RGS9: variants seen among roughly 807,000 people sequenced by gnomAD.
RGS9 encodes regulator of G protein signaling 9.
Under a neutral mutation model 102.0 loss-of-function variants are expected in RGS9, and 78 were observed. The ratio of observed to expected loss-of-function variants is 0.76; its 90% CI spans 0.64 to 0.92. RGS9 has a LOEUF of 0.92. Ranked by LOEUF, RGS9 falls within the 40% of genes least tolerant of loss-of-function variation. The pLI, the probability that RGS9 is intolerant of heterozygous loss-of-function variation, is 0.00. For synonymous variants in RGS9, 353 were observed against 318.6 expected, an observed-to-expected ratio of 1.11 and a Z score of -1.15; for missense variants, 833 against 866.1, an observed-to-expected ratio of 0.96 and a Z score of 0.48.
intron 9 of RGS9, among the ~76,000 whole-genome samples, chr17:65,184,385 AT>A (rs1221261346): frequency 5.3e-5 from 8 of 152,136 alleles, no homozygotes; most frequent in African/African-American, 1.9e-4. Flanking sequence ...TGAATCCTGC[AT>A]TTTATCTGAT....
chr17:65,226,649 G>T (rs1442980707), intron 18 of RGS9, among the ~76,000 whole-genome samples: 7 of 148,804 alleles, frequency 4.7e-5, no homozygotes, highest in African/African-American at 1.8e-4. Flanking sequence ...GTTTTGCTCT[G>T]TAGTCCAAGC....
intron 9 of RGS9, among the ~76,000 whole-genome samples, chr17:65,178,981 A>G (rs1053553101): frequency 1.3e-5 from 2 of 152,234 alleles, no homozygotes; most frequent in Admixed American, 6.5e-5. Context: ...AAGGAAGTCA[A>G]CATTACTCTG....
intron 17 of RGS9, among the ~76,000 whole-genome samples, chr17:65,219,435 A>G (rs1913624787): frequency 6.6e-6 from 1 of 152,238 alleles, no homozygotes; most frequent in African/African-American, 2.4e-5. Flanking sequence ...TAGCATAAAA[A>G]ATAAACATTT....
intron 2 of RGS9, among the ~76,000 whole-genome samples, chr17:65,157,243 A>G (rs966173894): frequency 3.3e-5 from 5 of 152,158 alleles, no homozygotes; most frequent in Admixed American, 2.6e-4. Context: ...AGATTGCTGG[A>G]AAATGTGACC....
At chr17:65,179,145 T>G (rs747329032) in intron 9 of RGS9, among the ~76,000 whole-genome samples, 1 of 151,708 alleles carries the variant, frequency 6.6e-6, no homozygotes. Context: ...CCTTAAGGCA[T>G]GAGTGGGGGC....
intron 17 of RGS9, among the ~76,000 whole-genome samples, chr17:65,219,451 G>T (rs577055282): frequency 6.6e-6 from 1 of 152,182 alleles, no homozygotes; most frequent in South Asian, 2.1e-4. Flanking sequence ...CATTTATTTG[G>T]ACAATATTAA....
At chr17:65,181,609 T>A (rs1488864796) in intron 9 of RGS9, among the ~76,000 whole-genome samples, 1 of 152,212 alleles carries the variant, frequency 6.6e-6, no homozygotes, top group Non-Finnish European at 1.5e-5. Flanking sequence ...CCCCAACTCC[T>A]GCACCCCAGG....
intron 9 of RGS9, 30 bp downstream of exon 9, chr17:65,177,833 G>T (rs756753252): frequency 6.3e-7 from 1 of 1,591,612 alleles, no homozygotes; most frequent in Non-Finnish European, 8.6e-7. Context: ...TTTGGGTAGG[G>T]CCTAGGTCGG....
chr17:65,186,808 CAAA>C (rs1402569718), intron 9 of RGS9, among the ~76,000 whole-genome samples: 1 of 152,136 alleles, frequency 6.6e-6, no homozygotes, highest in East Asian at 1.9e-4. Context: ...TGTAAAGACT[CAAA>C]GAAGTATAAA....
rs1319649479 is a variant in RGS9, at chr17:65,173,682, C to T, written c.583-4050C>T. ...TGCCTCCTTATCTGCGGGCCACACA[C>T]CGCAGGATGCATCGGCTGCCCTTAT... On this transcript the variant is annotated intron_variant, in intron 8 of 18. Transcript: ENST00000262406. The surrounding 1 kb of genome is among the most constrained non-coding windows in gnomAD (Gnocchi z 4.8). Among the ~76,000 whole-genome samples the T allele has an allele frequency of 6.6e-6, 1 of 152,258 alleles. No individual in the cohort carries two copies. The highest frequency in any genetic ancestry group is 1.5e-5 in the Non-Finnish European group (1 of 68,048).
intron 9 of RGS9, among the ~76,000 whole-genome samples, chr17:65,181,445 A>G (rs749996830): frequency 3.3e-5 from 5 of 152,256 alleles, no homozygotes; most frequent in Non-Finnish European, 7.3e-5. Context: ...ACCGTCAACC[A>G]TAAGGAGGAA....
intron 2 of RGS9, among the ~76,000 whole-genome samples, chr17:65,157,091 G>A (rs146615406): frequency 3.1e-4 from 47 of 152,004 alleles, no homozygotes; most frequent in African/African-American, 9.7e-4. Context: ...CACCGCCTCC[G>A]AGGAGGGAAG....
At chr17:65,157,575 TG>T (rs1910813433) in intron 2 of RGS9, among the ~76,000 whole-genome samples, 1 of 151,976 alleles carries the variant, frequency 6.6e-6, no homozygotes, top group Non-Finnish European at 1.5e-5. Flanking sequence ...CATTTTTTCA[TG>T]TTTTTTTGTG....
chr17:65,212,765 G>A (rs1225713733), intron 17 of RGS9, among the ~76,000 whole-genome samples: 1 of 152,208 alleles, frequency 6.6e-6, no homozygotes, highest in South Asian at 2.1e-4. Flanking sequence ...GAAAGTGCAT[G>A]GAGGGATATG....
chr17:65,227,643 A>G lies in RGS9; in HGVS notation c.*236A>G. On this transcript the variant is annotated 3_prime_UTR_variant, in exon 19 of 19. Transcript: ENST00000262406. ...CCCTGGGCAGAAGAAACGCATGTGG[A>G]CCAGAAGACTTTCCCTGCTGCCTTA... The G allele has an allele frequency of 1.7e-6, 1 of 571,496 alleles. No homozygotes were observed. The highest frequency in any genetic ancestry group is 2.0e-5 in the South Asian group (1 of 49,754). 35.4% of individuals were successfully genotyped at this position (571,496 alleles called of 1,614,324 possible). A position where few individuals can be genotyped will look rare whatever the true frequency, so the allele number is the denominator to read the frequency against.
chr17:65,195,729 G>T, intron 12 of RGS9, among the ~76,000 whole-genome samples: 1 of 152,150 alleles, frequency 6.6e-6, no homozygotes, highest in East Asian at 1.9e-4. Flanking sequence ...AAACATCAAC[G>T]TTCAGGCCTT....
At chr17:65,141,715 G>A (rs1014361598) in intron 1 of RGS9, among the ~76,000 whole-genome samples, 2 of 152,160 alleles carry the variant, frequency 1.3e-5, no homozygotes, top group African/African-American at 4.8e-5. Context: ...GCAGGGAGTG[G>A]TCAGTTCTAC....
At chr17:65,164,888 A>G (rs1236857582) in intron 7 of RGS9, among the ~76,000 whole-genome samples, 1 of 152,202 alleles carries the variant, frequency 6.6e-6, no homozygotes, top group Non-Finnish European at 1.5e-5. Flanking sequence ...TACTTACCAT[A>G]GTAATTATTG....
chr17:65,163,868 T>C (rs1277439870), intron 7 of RGS9, among the ~76,000 whole-genome samples: 1 of 152,062 alleles, frequency 6.6e-6, no homozygotes, highest in Non-Finnish European at 1.5e-5. Flanking sequence ...GAACTAGAGA[T>C]GTTAGCAAGA....
Sources: gnomAD v4.1 joint callset for allele counts (sites outside exome capture counted in the v4.1 genomes callset) on GRCh38, gnomAD v4.1.1 for gene constraint, Gnocchi (gnomAD v3.1) non-coding constraint, MANE v1.5 for transcripts, NCBI Gene and HGNC (gene_info 2026-07-23, HGNC 2026-07-21) for gene names.